The following GGACT variants were observed in gnomAD, a reference collection of about 807,000 sequenced individuals.
GGACT encodes gamma-glutamylaminecyclotransferase.
For synonymous variants in GGACT, 118 were observed against 115.3 expected (o/e 1.02, Z -0.15); for missense variants, 241 against 233.2 (o/e 1.03, Z -0.22).
chr13:100,550,549 C>T (rs2088653384), intron 2 of GGACT, among the ~76,000 whole-genome samples: 1 of 152,208 alleles, frequency 6.6e-6, no homozygotes, highest in Non-Finnish European at 1.5e-5. Context: ...GTTTACAACT[C>T]CTTGGCCTCC....
At chr13:100,559,518 A>G (rs1018503105) in intron 2 of GGACT, among the ~76,000 whole-genome samples, 16 of 150,188 alleles carry the variant, frequency 1.1e-4, no homozygotes, top group Non-Finnish European at 8.9e-5. Context: ...TTTTTGAGAC[A>G]GAGTCTTGCT....
rs1444699851 is a variant in GGACT at position 100,545,670 on chromosome 13, C to A, written c.-10-13069G>T. On this transcript the variant is annotated intron_variant, in intron 2 of 2. Transcript: ENST00000683975. The surrounding 1 kb of genome is among the most constrained non-coding windows in gnomAD (Gnocchi z 4.4). Reference sequence around the variant, plus strand: ...CGATTTTGTCTTTGTATTTTGTAAGCAAAGCGAAGCCTGCTGGAATAACAC... The same window carrying A: ...CGATTTTGTCTTTGTATTTTGTAAGAAAAGCGAAGCCTGCTGGAATAACAC... 6.6e-6 allele frequency among the ~76,000 whole-genome samples: 1 copy of A among 152,256 alleles called. No individual in the cohort carries two copies. Among genetic ancestry groups the A allele is most frequent in the Non-Finnish European group, 1.5e-5 (1 of 68,054 alleles).
intron 1 of GGACT, among the ~76,000 whole-genome samples, chr13:100,584,629 G>A (rs752127734): frequency 3.9e-5 from 6 of 152,082 alleles, no homozygotes; most frequent in African/African-American, 7.2e-5. Flanking sequence ...TAAGAGTATC[G>A]TTAGATTGTA....
At chr13:100,587,400 C>T (rs1875611243) in intron 1 of GGACT, among the ~76,000 whole-genome samples, 1 of 152,184 alleles carries the variant, frequency 6.6e-6, no homozygotes, top group Non-Finnish European at 1.5e-5. Context: ...AAAAATCCAC[C>T]AATTAGAAAT....
intron 2 of GGACT, among the ~76,000 whole-genome samples, chr13:100,542,818 T>C (rs151245496): frequency 1.3e-5 from 2 of 152,138 alleles, no homozygotes; most frequent in Non-Finnish European, 2.9e-5. Context: ...TTTGAGAAAA[T>C]AAGAAGACTC....
In GGACT at chr13:100,534,854, C is replaced by CCTCAT. The variant is rs1347289415; in HGVS notation, c.-10-2258_-10-2254dup. On this transcript the variant is annotated intron_variant, in intron 2 of 2. Transcript: ENST00000683975. The surrounding 1 kb of genome is among the most constrained non-coding windows in gnomAD (Gnocchi z 4.9). ...TCCTGCTGCAGACTTAACTCTCCCA[C>CCTCAT]CTCATCTCCTGCACCCTCTCTCCCC... Among the ~76,000 whole-genome samples the CCTCAT allele has an allele frequency of 6.6e-6, 1 of 152,228 alleles. No individual in the cohort carries two copies. Among genetic ancestry groups the CCTCAT allele is most frequent in the Non-Finnish European group, 1.5e-5 (1 of 68,030 alleles).
rs138696705 is a variant in GGACT, at chr13:100,572,343, T to C, written c.-11+11482A>G. On this transcript the variant is annotated intron_variant, in intron 2 of 2. Coordinates refer to ENST00000683975, the MANE Select transcript of GGACT (RefSeq NM_001195087.2). ...TTCCACTTTTATGACATACCTAGAG[T>C]AGTCAAATTCATACAGACAGGAAAC... Among the ~76,000 whole-genome samples, 505 of 152,042 alleles carry C rather than the reference T, an allele frequency of 3.3e-3. 3 individuals are homozygous for C. Among genetic ancestry groups the C allele is most frequent in the African/African-American group, 0.011 (461 of 41,448 alleles).
intron 2 of GGACT, among the ~76,000 whole-genome samples, chr13:100,548,112 C>T (rs555865578): frequency 2.0e-5 from 3 of 152,240 alleles, no homozygotes; most frequent in South Asian, 2.1e-4. Context: ...GGCAACTTCT[C>T]GTCTACCTTG....
chr13:100,579,566 C>A (rs890633115), intron 2 of GGACT, among the ~76,000 whole-genome samples: 2 of 152,186 alleles, frequency 1.3e-5, no homozygotes, highest in Non-Finnish European at 2.9e-5. Context: ...GACAATGAGA[C>A]CCTCATTCCA....
At chr13:100,559,485 C>T (rs1363236211) in intron 2 of GGACT, among the ~76,000 whole-genome samples, 1 of 151,796 alleles carries the variant, frequency 6.6e-6, no homozygotes, top group Non-Finnish European at 1.5e-5. Flanking sequence ...CCGTGCCCGA[C>T]CTGTACATTT....
chr13:100,552,402 A>G (rs1006174538), intron 2 of GGACT, among the ~76,000 whole-genome samples: 3 of 152,184 alleles, frequency 2.0e-5, no homozygotes, highest in Non-Finnish European at 2.9e-5. Context: ...CCACCCCCCA[A>G]CATACTCTGT....
At chr13:100,565,869 G>A (rs1381132258) in intron 2 of GGACT, among the ~76,000 whole-genome samples, 1 of 152,152 alleles carries the variant, frequency 6.6e-6, no homozygotes, top group African/African-American at 2.4e-5. Context: ...TTTAGTGACT[G>A]ACAGCCAACA....
intron 2 of GGACT, among the ~76,000 whole-genome samples, chr13:100,547,075 AG>A (rs2088613137): frequency 6.6e-6 from 1 of 152,192 alleles, no homozygotes. Flanking sequence ...CAAACCCTAC[AG>A]GTTCAAACAT....
chr13:100,588,479 C>T (rs1875649305), intron 1 of GGACT: 2 of 152,200 alleles, frequency 1.3e-5, no homozygotes, highest in African/African-American at 4.8e-5. Context: ...GCCCTCTGCC[C>T]GTTCTGGCAA....
In GGACT at chr13:100,530,481, G is replaced by A. The variant is rs978125850; in HGVS notation, c.*1649C>T. 10 of 453,204 alleles carry A rather than the reference G, an allele frequency of 2.2e-5. No homozygotes were observed. Among genetic ancestry groups the A allele is most frequent in the East Asian group, 1.3e-4 (3 of 22,346 alleles). 28.1% of individuals were successfully genotyped at this position (453,204 alleles called of 1,614,324 possible). A position where few individuals can be genotyped will look rare whatever the true frequency, so the allele number is the denominator to read the frequency against. On this transcript the variant is annotated 3_prime_UTR_variant, in exon 3 of 3. Coordinates refer to ENST00000683975, the MANE Select transcript of GGACT (RefSeq NM_001195087.2). ...GAATGAAGACAATGTACACATAGGC[G>A]ACAGGCTCTGCCAGTAGACTACCAG...
chr13:100,575,174 G>A (rs1409785815), intron 2 of GGACT, among the ~76,000 whole-genome samples: 1 of 152,230 alleles, frequency 6.6e-6, no homozygotes, highest in African/African-American at 2.4e-5. Context: ...TTCGTTCTGT[G>A]TCTTTTAAAT....
intron 1 of GGACT, among the ~76,000 whole-genome samples, chr13:100,584,950 G>C (rs1253075385): frequency 6.6e-6 from 1 of 152,148 alleles, no homozygotes; most frequent in African/African-American, 2.4e-5. Flanking sequence ...TTGATTCTTT[G>C]ATGAGGGTTT....
rs1219621919 is a variant in GGACT, at chr13:100,531,781, G to GTCTT, written c.*345_*348dup. ...TGCTAAAATCTAGCGGCAACACCAA[G>GTCTT]TCTTTACACTGATCCTAAATATTTA... On this transcript the variant is annotated 3_prime_UTR_variant, in exon 3 of 3. Coordinates refer to ENST00000683975, the MANE Select transcript of GGACT (RefSeq NM_001195087.2). 1 of 199,454 alleles carries GTCTT rather than the reference G, an allele frequency of 5.0e-6. No individual in the cohort carries two copies. 12.4% of individuals were successfully genotyped at this position (199,454 alleles called of 1,614,324 possible).
intron 2 of GGACT, among the ~76,000 whole-genome samples, chr13:100,570,983 C>A (rs1045082733): frequency 2.0e-5 from 3 of 151,962 alleles, no homozygotes; most frequent in African/African-American, 7.3e-5. Context: ...AAGAAAACGA[C>A]CCCCTATGAG....
Sources: gnomAD v4.1 joint callset for allele counts (sites outside exome capture counted in the v4.1 genomes callset) on GRCh38, gnomAD v4.1.1 for gene constraint, Gnocchi (gnomAD v3.1) non-coding constraint, MANE v1.5 for transcripts, NCBI Gene and HGNC (gene_info 2026-07-23, HGNC 2026-07-21) for gene names.